The following CCDC47 variants were observed in gnomAD, a reference collection of about 807,000 sequenced individuals.
The protein encoded by CCDC47 is coiled-coil domain containing 47, also known as PAT complex subunit CCDC47.
Under a neutral mutation model 60.5 loss-of-function variants are expected in CCDC47, and 41 were observed. The observed-to-expected ratio is 0.68, with a 90% CI of 0.53 to 0.88. The LOEUF is 0.88. Ranked by LOEUF, CCDC47 falls within the 40% of genes least tolerant of loss-of-function variation. The pLI, the probability that CCDC47 is intolerant of heterozygous loss-of-function variation, is 0.00. For synonymous variants in CCDC47, 195 were observed against 190.7 expected (o/e 1.02, Z -0.18); for missense variants, 513 against 580.9 (o/e 0.88, Z 1.20).
intron 1 of CCDC47, chr17:63,767,079 T>G (rs2039303309): frequency 4.6e-6 from 1 of 219,224 alleles, no homozygotes; most frequent in South Asian, 1.7e-4. Flanking sequence ...ACATCCCCAT[T>G]TCACTAATAA....
rs1355701579 is a variant in CCDC47 at position 63,769,119 on chromosome 17, T to C, written c.-19-2925A>G. ...AAAAAAAATTAGCCAAGTCTGGTGG[T>C]GTGCACCTGTAGTCCAGCTATTCTG... On this transcript the variant is annotated intron_variant, in intron 1 of 12. Transcript: ENST00000225726. Among the ~76,000 whole-genome samples the C allele has an allele frequency of 5.4e-5, 8 of 149,382 alleles. No homozygotes were observed. In the Admixed American group the frequency reaches 5.4e-4, roughly 10 times the overall value.
At chr17:63,771,025 G>T in intron 1 of CCDC47, among the ~76,000 whole-genome samples, 1 of 123,484 alleles carries the variant, frequency 8.1e-6, no homozygotes, top group Non-Finnish European at 1.6e-5. Context: ...AGGAAGGAAG[G>T]AAGGAAGGAA....
intron 6 of CCDC47, among the ~76,000 whole-genome samples, chr17:63,758,852 G>A (rs547008334): frequency 1.6e-4 from 25 of 152,000 alleles, no homozygotes; most frequent in Non-Finnish European, 3.1e-4. Flanking sequence ...ATCATTGATG[G>A]GAAATTACAC....
intron 1 of CCDC47, among the ~76,000 whole-genome samples, chr17:63,771,037 G>GAAAGAAAGAAAGAAAGA (rs1568253168): frequency 1.4e-3 from 77 of 54,700 alleles, no homozygotes; most frequent in African/African-American, 4.4e-3. Context: ...AGGAAGGAAG[G>GAAAGAAAGAAAGAAAGA]AAGGAAGGAA....
Position 63,752,003 on chromosome 17 carries a change from T to C in CCDC47, c.1308A>G (p.Lys436=). 1 of 1,613,788 alleles carries C rather than the reference T, an allele frequency of 6.2e-7. No individual in the cohort carries two copies. The change falls in exon 12 of 13, where the codon AAA becomes AAG. Residue 436 remains lysine (K), a synonymous_variant. Transcript: ENST00000225726. ...TGATTCGCTCCTTCTCTGCTCTTTT[T>C]TTCTCCTCCCGCCGAGACTGTGCTG... ...QEAAQSRREE[K]KRAEKERIMN...
chr17:63,767,029 T>C (rs1001159295), intron 1 of CCDC47: 1 of 623,532 alleles, frequency 1.6e-6, no homozygotes, highest in Non-Finnish European at 2.0e-6. Context: ...GCAACTAATT[T>C]AATCCTCATA....
In CCDC47 at chr17:63,752,755, AAC is replaced by A. The variant is rs1568246591; in HGVS notation, c.1077_1078del (p.Leu360ValfsTer4). 2 of 1,612,498 alleles carry A rather than the reference AAC, an allele frequency of 1.2e-6. No individual in the cohort carries two copies. Among genetic ancestry groups the A allele is most frequent in the Non-Finnish European group, 1.7e-6 (2 of 1,179,348 alleles). ...AGAATACTTACCATTAAATGTAAAC[AAC>A]AGTGTCCTCTTAGTGTCAGGTAGCT... On this transcript the variant is annotated frameshift_variant, in exon 10 of 13. Coordinates refer to ENST00000225726, the MANE Select transcript of CCDC47 (RefSeq NM_020198.3). LOFTEE classifies it high-confidence loss of function.
Position 63,766,213 on chromosome 17 carries a change from C to A in CCDC47, c.-19-19G>T, listed in dbSNP as rs1167843269. The A allele has an allele frequency of 1.1e-5, 17 of 1,578,174 alleles. No homozygotes were observed. Among genetic ancestry groups the A allele is most frequent in the African/African-American group, 1.4e-5 (1 of 72,966 alleles). On this transcript the variant is annotated intron_variant, in intron 1 of 12. Coordinates refer to ENST00000225726, the MANE Select transcript of CCDC47 (RefSeq NM_020198.3). ...AAAAAAGCTTAAAAAAAAAGAGAAC[C>A]CCAAAATGGATTGCCATTCTATACA...
At chr17:63,773,199 G>C (rs980058081) in intron 1 of CCDC47, among the ~76,000 whole-genome samples, 1 of 152,228 alleles carries the variant, frequency 6.6e-6, no homozygotes, top group South Asian at 2.1e-4. Context: ...CCACCCAAGA[G>C]AATCAATACA....
Position 63,745,886 on chromosome 17 carries a change from A to G in CCDC47, c.*995T>C, listed in dbSNP as rs1356986632. 1 of 152,226 alleles carries G rather than the reference A, an allele frequency of 6.6e-6. No individual in the cohort carries two copies. The highest frequency in any genetic ancestry group is 2.4e-5 in the African/African-American group (1 of 41,456). The allele number at this position is 152,226 out of a possible 1,614,324, so 9.4% of individuals were successfully genotyped here. A position where few individuals can be genotyped will look rare whatever the true frequency, so the allele number is the denominator to read the frequency against. Reference sequence around the variant, plus strand: ...GAAAGAACTCTCAATAGTTTAGGAAAGCTCATTTTCAAAAGTATACTTACA... The same window carrying G: ...GAAAGAACTCTCAATAGTTTAGGAAGGCTCATTTTCAAAAGTATACTTACA... On this transcript the variant is annotated 3_prime_UTR_variant, in exon 13 of 13. Transcript: ENST00000225726.
intron 8 of CCDC47, among the ~76,000 whole-genome samples, chr17:63,755,618 C>T (rs2039199921): frequency 6.6e-6 from 1 of 152,074 alleles, no homozygotes; most frequent in African/African-American, 2.4e-5. Flanking sequence ...CCTTTATAAA[C>T]ATGTCACCTT....
chr17:63,756,614 T>G, intron 6 of CCDC47, 44 bp from the exon 7 acceptor site: 1 of 1,343,614 alleles, frequency 7.4e-7, no homozygotes. Flanking sequence ...CCTGTTAGGT[T>G]CTGTGATAGG....
intron 10 of CCDC47, 46 bp from the exon 11 acceptor site, chr17:63,752,475 A>G: frequency 7.8e-7 from 1 of 1,289,934 alleles, no homozygotes; most frequent in South Asian, 1.4e-5. Context: ...GGTAGCATTA[A>G]TATTTCCAGG....
intron 1 of CCDC47, among the ~76,000 whole-genome samples, chr17:63,772,176 A>AT (rs1438577847): frequency 5.9e-5 from 9 of 152,018 alleles, no homozygotes; most frequent in African/African-American, 2.2e-4. Context: ...TGTTCTCCAC[A>AT]TACAAAAAAG....
chr17:63,752,939 T>C lies in CCDC47; in HGVS notation c.1035-140A>G, dbSNP rs2039178577. On this transcript the variant is annotated intron_variant, in intron 9 of 12. Coordinates refer to ENST00000225726, the MANE Select transcript of CCDC47 (RefSeq NM_020198.3). ...TGGCTTGGCATACCCAAGTCAAATA[T>C]AATGAAGGAGCTTTACAGGTCATCT... 2.9e-6 allele frequency: 4 copies of C among 1,358,526 alleles called. No homozygotes were observed. In the South Asian group the frequency reaches 6.4e-5, roughly 22 times the overall value. 84.2% of individuals were successfully genotyped at this position (1,358,526 alleles called of 1,614,324 possible).
At chr17:63,760,855 A>G in intron 6 of CCDC47, 59 bp downstream of exon 6, 1 of 1,225,216 alleles carries the variant, frequency 8.2e-7, no homozygotes, top group South Asian at 1.3e-5. Context: ...AAAAAAAAAG[A>G]AAGAAAGAAA....
intron 12 of CCDC47, chr17:63,747,477 C>T (rs1010376468): frequency 2.1e-6 from 2 of 975,100 alleles, no homozygotes; most frequent in Non-Finnish European, 2.4e-6. Flanking sequence ...TCATATTTAT[C>T]AAATGTGATA....
intron 12 of CCDC47, among the ~76,000 whole-genome samples, chr17:63,750,550 T>A (rs1205691741): frequency 6.6e-6 from 1 of 151,910 alleles, no homozygotes; most frequent in Middle Eastern, 3.2e-3. Context: ...TCAAGATTAT[T>A]CTTACTAAAA....
intron 12 of CCDC47, chr17:63,747,581 A>G: frequency 1.0e-6 from 1 of 985,050 alleles, no homozygotes; most frequent in Non-Finnish European, 1.2e-6. Flanking sequence ...GACTGATAGA[A>G]GCCTTAGAGG....
Sources: gnomAD v4.1 joint callset for allele counts (sites outside exome capture counted in the v4.1 genomes callset) on GRCh38, gnomAD v4.1.1 for gene constraint, MANE v1.5 for transcripts, NCBI Gene and HGNC (gene_info 2026-07-23, HGNC 2026-07-21) for gene names.